The following TYW1B variants were observed in gnomAD, a reference collection of about 807,000 sequenced individuals.
The protein encoded by TYW1B is S-adenosyl-L-methionine-dependent tRNA 4-demethylwyosine synthase TYW1B.
In TYW1B, 73 loss-of-function variants were observed where a neutral mutation model predicts 86.9. The observed-to-expected ratio is 0.84, with a 90% CI of 0.70 to 1.02. The LOEUF (loss-of-function observed/expected upper bound fraction) is 1.02, where lower values mean the gene tolerates loss of function less well. TYW1B is among the 50% of genes least tolerant of loss of function. TYW1B has a pLI of 0.00. For synonymous variants in TYW1B, 248 were observed against 292.8 expected (o/e 0.85, Z 1.56); for missense variants, 637 against 827.4 (o/e 0.77, Z 2.82).
In TYW1B at chr7:72,750,488, T is replaced by C. The variant is rs181166414; in HGVS notation, c.965-5887A>G. On this transcript the variant is annotated intron_variant, in intron 7 of 13. Coordinates refer to ENST00000620995, the MANE Select transcript of TYW1B (RefSeq NM_001145440.3). The stretch of plus-strand genomic sequence containing the variant: ...ATTGTTTCTCTCAAGGTGCTTTACA[T>C]ATTTTTTCCTTTTTCAGTTTTTAGA... Among the ~76,000 whole-genome samples the C allele has an allele frequency of 2.7e-3, 413 of 152,328 alleles. 2 individuals are homozygous for C. The highest frequency in any genetic ancestry group is 8.9e-3 in the African/African-American group (371 of 41,578).
intron 6 of TYW1B, among the ~76,000 whole-genome samples, chr7:72,784,659 C>T (rs1299065600): frequency 6.6e-6 from 1 of 152,010 alleles, no homozygotes; most frequent in East Asian, 1.9e-4. Flanking sequence ...CACCACATCC[C>T]GCTAACTTTT....
In TYW1B at chr7:72,826,922, T is replaced by A; in HGVS notation, c.68A>T (p.Tyr23Phe). The change falls in exon 2 of 14, where the codon TAC (tyrosine) becomes TTC (phenylalanine). Residue 23 changes from tyrosine (Y) to phenylalanine (F), a missense_variant. By Grantham distance (22) the Tyr-to-Phe change is conservative (BLOSUM62 3). Transcript: ENST00000620995. ...GCTAACAGCAAAGCCCAGATAAATGTAAAACCTGTTTATCCATAATGATAT... is the reference window on the plus strand; with the variant it reads ...GCTAACAGCAAAGCCCAGATAAATGAAAAACCTGTTTATCCATAATGATAT... ...PLISLWINRF[Y>F]IYLGFAVSIS... 2 of 1,613,940 alleles carry A rather than the reference T, an allele frequency of 1.2e-6. No individual in the cohort carries two copies. The highest frequency in any genetic ancestry group is 1.7e-6 in the Non-Finnish European group (2 of 1,179,958).
At chr7:72,607,713 CAA>C (rs565689560) in intron 13 of TYW1B, among the ~76,000 whole-genome samples, 1 of 146,474 alleles carries the variant, frequency 6.8e-6, no homozygotes. Context: ...GGGACCATAA[CAA>C]AAAAAAAATC....
At chr7:72,814,840 G>A (rs1216932506) in intron 3 of TYW1B, among the ~76,000 whole-genome samples, 2 of 151,458 alleles carry the variant, frequency 1.3e-5, no homozygotes, top group Non-Finnish European at 2.9e-5. Flanking sequence ...CAAGGCAGGT[G>A]GATCACTTGA....
intron 11 of TYW1B, among the ~76,000 whole-genome samples, chr7:72,646,550 T>C (rs1430148068): frequency 6.6e-6 from 1 of 151,958 alleles, no homozygotes; most frequent in African/African-American, 2.4e-5. Flanking sequence ...TTTTGTAATT[T>C]TTCTGTAGAG....
intron 11 of TYW1B, among the ~76,000 whole-genome samples, chr7:72,684,063 T>C (rs1275035270): frequency 5.9e-5 from 9 of 152,030 alleles, no homozygotes; most frequent in African/African-American, 1.9e-4. Context: ...TAAACCAGAA[T>C]GGAATATTCA....
chr7:72,787,199 C>T (rs1342654315), intron 6 of TYW1B, among the ~76,000 whole-genome samples: 3 of 152,114 alleles, frequency 2.0e-5, no homozygotes, highest in Admixed American at 6.6e-5. Context: ...AGACCAGGCC[C>T]GGTGGCTATC....
chr7:72,596,173 C>A, intron 13 of TYW1B, among the ~76,000 whole-genome samples: 1 of 101,490 alleles, frequency 9.9e-6, no homozygotes, highest in Non-Finnish European at 1.9e-5. Flanking sequence ...TGGAAAAACT[C>A]TGTCTCAAAA....
intron 11 of TYW1B, among the ~76,000 whole-genome samples, chr7:72,666,980 C>T (rs1338096078): frequency 5.0e-5 from 7 of 140,492 alleles, no homozygotes; most frequent in East Asian, 2.2e-4. Flanking sequence ...TGCAGTGAGC[C>T]GAGATCGCGC....
intron 7 of TYW1B, among the ~76,000 whole-genome samples, chr7:72,760,244 G>A (rs1411325363): frequency 2.0e-5 from 3 of 152,172 alleles, no homozygotes; most frequent in African/African-American, 7.2e-5. Flanking sequence ...AAATTCATCT[G>A]AAACTACAAA....
intron 4 of TYW1B, among the ~76,000 whole-genome samples, chr7:72,809,024 C>T (rs1554477386): frequency 6.7e-6 from 1 of 149,658 alleles, no homozygotes; most frequent in African/African-American, 2.5e-5. Flanking sequence ...TCCTCCATTT[C>T]CCTTGAAAAA....
chr7:72,811,420 C>A (rs568244415), intron 3 of TYW1B, among the ~76,000 whole-genome samples: 1 of 151,970 alleles, frequency 6.6e-6, no homozygotes, highest in East Asian at 1.9e-4. Flanking sequence ...CAACAGCTCA[C>A]GTTACTGCTT....
chr7:72,627,159 A>G (rs1416184529), intron 12 of TYW1B, among the ~76,000 whole-genome samples: 3 of 151,976 alleles, frequency 2.0e-5, no homozygotes, highest in Non-Finnish European at 4.4e-5. Flanking sequence ...TTAAAATGTC[A>G]TCTCAGGCCC....
At chr7:72,717,684 TTC>T (rs1180434185) in intron 9 of TYW1B, among the ~76,000 whole-genome samples, 12 of 150,054 alleles carry the variant, frequency 8.0e-5, no homozygotes, top group African/African-American at 1.2e-4. Flanking sequence ...CACACTCTAA[TTC>T]TCTCTCTCTC....
At chr7:72,757,157 C>T (rs1180463271) in intron 7 of TYW1B, among the ~76,000 whole-genome samples, 1 of 152,054 alleles carries the variant, frequency 6.6e-6, no homozygotes, top group African/African-American at 2.4e-5. Context: ...CGCCTGAGGT[C>T]AGGAGTTCGA....
At chr7:72,639,434 T>C (rs1554441219) in intron 11 of TYW1B, among the ~76,000 whole-genome samples, 1 of 152,144 alleles carries the variant, frequency 6.6e-6, no homozygotes, top group Non-Finnish European at 1.5e-5. Flanking sequence ...CCCAAAGTGC[T>C]GGGATTACAG....
In TYW1B at chr7:72,810,639, G is replaced by C. The variant is rs781906069; in HGVS notation, c.264C>G (p.Phe88Leu). Residue 88 changes from phenylalanine to leucine, a missense_variant, in exon 4 of 14, where the codon TTC (phenylalanine) becomes TTG (leucine). Coordinates refer to ENST00000620995, the MANE Select transcript of TYW1B (RefSeq NM_001145440.3). Reference sequence around the variant, plus strand: ...GGCCGTCAGTGTATGTCGCAACCAGGAAGACACAGACATTTTTACTAGTCA... The same window carrying C: ...GGCCGTCAGTGTATGTCGCAACCAGCAAGACACAGACATTTTTACTAGTCA... ...EEVTSKNVCV[F>L]LVATYTDGLP... 3 of 1,612,138 alleles carry C rather than the reference G, an allele frequency of 1.9e-6. No individual in the cohort carries two copies. The highest frequency in any genetic ancestry group is 1.7e-5 in the Admixed American group (1 of 59,692).
intron 7 of TYW1B, among the ~76,000 whole-genome samples, chr7:72,770,443 A>AG (rs1220207269): frequency 1.5e-4 from 22 of 151,104 alleles, no homozygotes; most frequent in East Asian, 1.4e-3. Flanking sequence ...AAAAAAAAAA[A>AG]AAAGAAAAAA....
intron 11 of TYW1B, among the ~76,000 whole-genome samples, chr7:72,648,308 T>C (rs1161266479): frequency 1.3e-5 from 2 of 151,936 alleles, no homozygotes; most frequent in South Asian, 2.1e-4. Context: ...TTTGGGGGAC[T>C]AAGGTGGGCA....
Sources: allele counts gnomAD v4.1 joint callset (sites outside exome capture counted in the v4.1 genomes callset), GRCh38; gene constraint gnomAD v4.1.1; transcripts MANE v1.5; gene names NCBI Gene and HGNC (gene_info 2026-07-23, HGNC 2026-07-21).